The following STIM1 variants were observed in gnomAD, a reference collection of about 807,000 sequenced individuals.
STIM1 encodes the protein stromal interaction molecule 1.
A neutral mutation model predicts 74.7 loss-of-function variants in STIM1; 25 were observed. The ratio of observed to expected loss-of-function variants is 0.33; its 90% CI spans 0.24 to 0.47. STIM1 has a LOEUF of 0.47. STIM1 is among the 20% of genes least tolerant of loss of function. The pLI is 1.00. For synonymous variants in STIM1, 328 were observed against 348.8 expected, an observed-to-expected ratio of 0.94 and a Z score of 0.66; for missense variants, 728 against 920.8, an observed-to-expected ratio of 0.79 and a Z score of 2.71.
intron 1 of STIM1, among the ~76,000 whole-genome samples, chr11:3,923,157 A>G (rs766050539): frequency 2.4e-4 from 36 of 149,112 alleles, no homozygotes; most frequent in Non-Finnish European, 4.9e-4. Context: ...TGATTTCCCC[A>G]TAATTTTTTT....
intron 2 of STIM1, among the ~76,000 whole-genome samples, chr11:4,013,819 C>T (rs1298521018): frequency 1.3e-5 from 2 of 150,620 alleles, no homozygotes; most frequent in Non-Finnish European, 2.9e-5. Flanking sequence ...ATTCTCCTGC[C>T]TCCGCCTCCC....
At chr11:4,011,493 T>C (rs967975394) in intron 2 of STIM1, among the ~76,000 whole-genome samples, 1 of 152,258 alleles carries the variant, frequency 6.6e-6, no homozygotes, top group Non-Finnish European at 1.5e-5. Context: ...GAGCATTTTT[T>C]CATGTGTCTG....
At chr11:3,884,489 T>C (rs1590525055) in intron 1 of STIM1, among the ~76,000 whole-genome samples, 1 of 152,188 alleles carries the variant, frequency 6.6e-6, no homozygotes, top group Non-Finnish European at 1.5e-5. Flanking sequence ...CACTGACTTA[T>C]GCAGTCCTGA....
chr11:4,007,931 G>A (rs1367441676), intron 2 of STIM1, among the ~76,000 whole-genome samples: 3 of 152,108 alleles, frequency 2.0e-5, no homozygotes, highest in Non-Finnish European at 4.4e-5. Flanking sequence ...AGTTCTAAGA[G>A]ATAGGGGATT....
intron 3 of STIM1, among the ~76,000 whole-genome samples, chr11:4,027,684 G>A (rs2094009252): frequency 2.0e-5 from 3 of 152,126 alleles, no homozygotes; most frequent in South Asian, 4.1e-4. Context: ...AAGTGTCTTT[G>A]CTCAAGAGTC....
At chr11:3,917,783 G>A (rs561368386) in intron 1 of STIM1, among the ~76,000 whole-genome samples, 14 of 152,180 alleles carry the variant, frequency 9.2e-5, no homozygotes, top group South Asian at 2.1e-4. Flanking sequence ...AAAGTGATTT[G>A]GAAACCATAA....
intron 2 of STIM1, among the ~76,000 whole-genome samples, chr11:3,986,054 A>G (rs2093555421): frequency 6.6e-6 from 1 of 151,984 alleles, no homozygotes; most frequent in African/African-American, 2.4e-5. Context: ...CTTCAAACAT[A>G]TTTAGTGTGT....
At chr11:3,916,654 G>T (rs1343945174) in intron 1 of STIM1, among the ~76,000 whole-genome samples, 1 of 152,062 alleles carries the variant, frequency 6.6e-6, no homozygotes, top group Non-Finnish European at 1.5e-5. Flanking sequence ...GTTTCACTGT[G>T]TTGACCAGGC....
intron 12 of STIM1, 105 bp from the exon 13 acceptor site, chr11:4,091,177 A>G (rs2094522219): frequency 6.6e-7 from 1 of 1,524,082 alleles, no homozygotes; most frequent in Non-Finnish European, 9.0e-7. Context: ...CCATTTTCCT[A>G]CCCTGTCCTT....
At chr11:4,011,854 TAGGTCTTACATTTA>T (rs1482610304) in intron 2 of STIM1, among the ~76,000 whole-genome samples, 1 of 152,260 alleles carries the variant, frequency 6.6e-6, no homozygotes, top group Non-Finnish European at 1.5e-5. Context: ...TTTATGGTTT[TAGGTCTTACATTTA>T]AGTCTTTAAT....
At chr11:3,966,469 C>T (rs527621166) in intron 1 of STIM1, among the ~76,000 whole-genome samples, 2 of 152,210 alleles carry the variant, frequency 1.3e-5, no homozygotes, top group South Asian at 4.1e-4. Context: ...TTCTAAAAGG[C>T]GTCACAACCA....
chr11:3,956,046 A>G (rs1199806248), intron 1 of STIM1, among the ~76,000 whole-genome samples: 1 of 151,626 alleles, frequency 6.6e-6, no homozygotes, highest in Non-Finnish European at 1.5e-5. Flanking sequence ...AGCAGGAGTT[A>G]CTGGAGATGA....
At chr11:3,928,478 C>T (rs1216073922) in intron 1 of STIM1, among the ~76,000 whole-genome samples, 6 of 152,154 alleles carry the variant, frequency 3.9e-5, no homozygotes, top group South Asian at 2.1e-4. Flanking sequence ...CCACCCACCT[C>T]GGCCTCCCAA....
intron 3 of STIM1, among the ~76,000 whole-genome samples, chr11:4,034,867 A>T (rs201163364): frequency 6.6e-6 from 1 of 152,008 alleles, no homozygotes; most frequent in Non-Finnish European, 1.5e-5. Flanking sequence ...AAATTTGTCT[A>T]TTTCACCTGT....
intron 1 of STIM1, among the ~76,000 whole-genome samples, chr11:3,902,394 A>G (rs7128687): frequency 3.7e-4 from 56 of 152,300 alleles, no homozygotes; most frequent in Non-Finnish European, 6.8e-4. Flanking sequence ...TTTTGGCACC[A>G]GGGATCGGTT....
intron 2 of STIM1, among the ~76,000 whole-genome samples, chr11:4,010,313 G>C (rs1431793017): frequency 6.6e-6 from 1 of 151,966 alleles, no homozygotes; most frequent in Non-Finnish European, 1.5e-5. Flanking sequence ...TGGGATTGCA[G>C]GTGTGTGCCA....
intron 2 of STIM1, chr11:3,989,169 G>A (rs1364264053): frequency 1.7e-6 from 2 of 1,143,694 alleles, no homozygotes; most frequent in South Asian, 1.2e-5. Flanking sequence ...ATTCAGACTT[G>A]GCTTCCTTCT....
intron 3 of STIM1, among the ~76,000 whole-genome samples, chr11:4,029,476 C>T (rs1197932666): frequency 6.6e-6 from 1 of 151,524 alleles, no homozygotes; most frequent in East Asian, 1.9e-4. Flanking sequence ...CAGTTTCCTC[C>T]CACATCCCGA....
chr11:3,888,775 C>T lies in STIM1; in HGVS notation c.139+32366C>T, dbSNP rs2091808345. ...CCATGTTGGCCAGGCTGGTCTTGAA[C>T]TCCTGACCTCAAGTGATCCGCCCGT... On this transcript the variant is annotated intron_variant, in intron 1 of 12. Coordinates refer to ENST00000526596, the MANE Select transcript of STIM1 (RefSeq NM_001382567.1). Among the ~76,000 whole-genome samples the T allele has an allele frequency of 2.6e-5, 4 of 152,106 alleles. No homozygotes were observed. The South Asian group carries it at 8.3e-4, about 32-fold the overall frequency.
Sources: allele counts gnomAD v4.1 joint callset (sites outside exome capture counted in the v4.1 genomes callset), GRCh38; gene constraint gnomAD v4.1.1; transcripts MANE v1.5; gene names NCBI Gene and HGNC (gene_info 2026-07-23, HGNC 2026-07-21).